CCNL1: variants seen among roughly 807,000 people sequenced by gnomAD.
CCNL1 encodes the protein cyclin-L1.
In CCNL1, 13 loss-of-function variants were observed where a neutral mutation model predicts 60.6. That is an observed-to-expected ratio of 0.21 (90% CI 0.14 to 0.34). The LOEUF is 0.34. Ranked by LOEUF, CCNL1 falls within the 10% of genes least tolerant of loss-of-function variation. CCNL1 has a pLI of 1.00. For missense variants in CCNL1, 481 were observed against 664.3 expected (o/e 0.72, Z 3.03); for synonymous variants, 270 against 244.3 (o/e 1.10, Z -0.98).
At chr3:157,149,793 C>T (rs1738031826) in intron 8 of CCNL1, 43 bp downstream of exon 8, 2 of 1,591,590 alleles carry the variant, frequency 1.3e-6, no homozygotes, top group Non-Finnish European at 1.7e-6. Flanking sequence ...TAAAGACACA[C>T]TTTCAGTGCC....
intron 6 of CCNL1, 29 bp from the exon 7 acceptor site, chr3:157,150,198 T>C: frequency 1.2e-6 from 2 of 1,608,694 alleles, no homozygotes; most frequent in Non-Finnish European, 1.7e-6. Context: ...ATGTTTTAAA[T>C]TAAATTTTTG....
chr3:157,153,013 A>C, intron 4 of CCNL1, 23 bp downstream of exon 4: 1 of 1,610,528 alleles, frequency 6.2e-7, no homozygotes, highest in Non-Finnish European at 8.5e-7. Context: ...TTACGAACCC[A>C]ATTTCTGTAC....
intron 3 of CCNL1, chr3:157,156,847 A>G (rs1441995716): frequency 6.4e-6 from 7 of 1,091,944 alleles, no homozygotes; most frequent in Non-Finnish European, 8.3e-6. Context: ...AAATAAATAC[A>G]AAGCTATAGT....
Position 157,149,581 on chromosome 3 carries a change from A to C in CCNL1, c.1037T>G (p.Val346Gly), listed in dbSNP as rs1214963087. ...PASKPSSPRE[V>G]KAEEKSPISI... is the part of the protein sequence containing the mutation. ...GATTGGTGATTTCTCTTCAGCTTTT[A>C]CTTCTCTTGGTGATGCTTTTAAAAG... The change falls in exon 9 of 11, where the codon GTA (valine) becomes GGA (glycine). Residue 346 changes from valine (V) to glycine (G), a missense_variant. This residue lies in a region of CCNL1 where 197 missense variants were observed against 233.9 expected (regional missense o/e 0.84). Coordinates refer to ENST00000295926, the MANE Select transcript of CCNL1 (RefSeq NM_020307.4). 3.1e-6 allele frequency: 5 copies of C among 1,613,554 alleles called. No individual in the cohort carries two copies. The highest frequency in any genetic ancestry group is 1.1e-5 in the South Asian group (1 of 91,010).
At chr3:157,154,203 T>C (rs1408587013) in intron 3 of CCNL1, 2 of 152,226 alleles carry the variant, frequency 1.3e-5, no homozygotes, top group African/African-American at 4.8e-5. Context: ...ATTTATGTCA[T>C]ACAATTCAAA....
At chr3:157,143,828 A>G (rs1283951545), downstream of CCNL1, among the ~76,000 whole-genome samples, 1 of 152,228 alleles carries the variant, frequency 6.6e-6, no homozygotes, top group Non-Finnish European at 1.5e-5. Context: ...ATGTGCATAT[A>G]CAAGAACAGA....
chr3:157,146,906 T>C (rs571692338), downstream of CCNL1, among the ~76,000 whole-genome samples: 12 of 152,334 alleles, frequency 7.9e-5, no homozygotes, highest in East Asian at 1.9e-3. Context: ...CTATAACTGA[T>C]TTAAGTAGCA....
Position 157,150,334 on chromosome 3 carries a change from T to C in CCNL1, c.722A>G (p.Gln241Arg). Residue 241 changes from glutamine to arginine, a missense_variant, in exon 6 of 11, where the codon CAA becomes CGA. By Grantham distance (43) the Gln-to-Arg change is conservative. Transcript: ENST00000295926. ...GCAAGCACATGCTATAGTCTCTGGT[T>C]GAAATCGAACAAACACATTGGTTCG... ...SLRTNVFVRF[Q>R]PETIACACIY... 1 of 1,614,036 alleles carries C rather than the reference T, an allele frequency of 6.2e-7. No homozygotes were observed. Among genetic ancestry groups the C allele is most frequent in the South Asian group, 1.1e-5 (1 of 91,080 alleles).
Position 157,159,917 on chromosome 3 carries a change from G to T in CCNL1, c.178C>A (p.Pro60Thr). ...GGGGTGGGCGAGAGCCTCTCCTCCG[G>T]AATCAGAGAGTGGTCGATGGTAAGT... ...VSLTIDHSLIPEERLSPTPSM... is the reference protein window; with the variant it reads ...VSLTIDHSLITEERLSPTPSM... The change falls in exon 1 of 11, where the codon CCG becomes ACG. Residue 60 changes from proline (P) to threonine (T), a missense_variant. By Grantham distance (38) the Pro-to-Thr change is conservative. Transcript: ENST00000295926. The T allele has an allele frequency of 1.2e-6, 2 of 1,606,956 alleles. No homozygotes were observed. The highest frequency in any genetic ancestry group is 1.7e-6 in the Non-Finnish European group (2 of 1,176,664).
chr3:157,150,208 G>A (rs927000042), intron 6 of CCNL1, 39 bp from the exon 7 acceptor site: 1 of 1,607,168 alleles, frequency 6.2e-7, no homozygotes, highest in Non-Finnish European at 8.5e-7. Context: ...TTAAATTTTT[G>A]CTAAATCTGT....
chr3:157,148,091 A>G lies in CCNL1; in HGVS notation c.*150T>C. 7.1e-7 allele frequency: 1 copy of G among 1,403,816 alleles called. No homozygotes were observed. The highest frequency in any genetic ancestry group is 9.3e-7 in the Non-Finnish European group (1 of 1,080,800). 87.0% of individuals were successfully genotyped at this position (1,403,816 alleles called of 1,614,324 possible). ...AAAAAAATTAACATAGTTCTTTTCAAAAGAAACTGTCCTCAGTGTTCTAGA... is the reference window on the plus strand; with the variant it reads ...AAAAAAATTAACATAGTTCTTTTCAGAAGAAACTGTCCTCAGTGTTCTAGA... On this transcript the variant is annotated 3_prime_UTR_variant, in exon 11 of 11. Transcript: ENST00000295926.
intron 1 of CCNL1, 145 bp downstream of exon 1, chr3:157,159,647 C>T: frequency 9.9e-7 from 1 of 1,014,044 alleles, no homozygotes; most frequent in African/African-American, 1.7e-5. Context: ...CCCGCCCCGG[C>T]ACGCCCCGGC....
Position 157,152,246 on chromosome 3 carries a change from A to G in CCNL1, c.610-5T>C, listed in dbSNP as rs772710351. The stretch of plus-strand genomic sequence containing the variant: ...TTGTAAATACATAACAATGATCTGA[A>G]GGACAAGGGAAAAAAACTCAATTCA... On this transcript the variant is annotated splice_region_variant and splice_polypyrimidine_tract_variant and intron_variant, in intron 4 of 10. Transcript: ENST00000295926. 6.2e-7 allele frequency: 1 copy of G among 1,607,384 alleles called. No homozygotes were observed. The highest frequency in any genetic ancestry group is 8.5e-7 in the Non-Finnish European group (1 of 1,178,204).
chr3:157,159,504 A>C, intron 1 of CCNL1, 25 bp from the exon 2 acceptor site: 1 of 1,604,084 alleles, frequency 6.2e-7, no homozygotes, highest in South Asian at 1.1e-5. Context: ...GGAGAACGGA[A>C]GCGCAGGGGT....
intron 2 of CCNL1, 102 bp from the exon 3 acceptor site, chr3:157,159,077 A>T: frequency 1.3e-5 from 10 of 757,656 alleles, no homozygotes; most frequent in East Asian, 2.5e-5. Context: ...AAATTAGAGA[A>T]GACATCTCTA....
At chr3:157,154,179 T>A in intron 3 of CCNL1, 1 of 152,224 alleles carries the variant, frequency 6.6e-6, no homozygotes, top group African/African-American at 2.4e-5. Flanking sequence ...AAACTTATAA[T>A]AAAAGACAAT....
chr3:157,159,984 C>T lies in CCNL1; in HGVS notation c.111G>A (p.Thr37=), dbSNP rs748520555. ...SGTTTTTTTT[T]GGILIGDRLY... ...GGCGATCGCCGATCAGGATCCCTCC[C>T]GTCGTGGTCGTCGTCGTGGTCGTCG... is the stretch of plus-strand genomic sequence containing the variant. The change falls in exon 1 of 11, where the codon ACG becomes ACA. Residue 37 remains threonine, a synonymous_variant. Coordinates refer to ENST00000295926, the MANE Select transcript of CCNL1 (RefSeq NM_020307.4). 6 of 1,580,882 alleles carry T rather than the reference C, an allele frequency of 3.8e-6. No homozygotes were observed. The African/African-American group carries it at 8.1e-5, about 21-fold the overall frequency.
In CCNL1 at chr3:157,152,171, A is replaced by G. The variant is rs1298455386; in HGVS notation, c.674+6T>C. The G allele has an allele frequency of 1.2e-6, 2 of 1,608,974 alleles. No individual in the cohort carries two copies. Among genetic ancestry groups the G allele is most frequent in the East Asian group, 4.5e-5 (2 of 44,764 alleles). ...GCTAGGAAAGAAATCTAAAAAAGTGACTTACCAGGCAGTTTGAACCAGGGT... is the reference window on the plus strand; with the variant it reads ...GCTAGGAAAGAAATCTAAAAAAGTGGCTTACCAGGCAGTTTGAACCAGGGT... On this transcript the variant is annotated splice_donor_region_variant and intron_variant, in intron 5 of 10. Coordinates refer to ENST00000295926, the MANE Select transcript of CCNL1 (RefSeq NM_020307.4).
downstream of CCNL1, among the ~76,000 whole-genome samples, chr3:157,145,542 C>G (rs1208582937): frequency 2.0e-5 from 3 of 148,896 alleles, no homozygotes; most frequent in Non-Finnish European, 4.4e-5. Flanking sequence ...ATTTTCATTG[C>G]TGTAATGGGC....
Sources: gnomAD v4.1 joint callset for allele counts (sites outside exome capture counted in the v4.1 genomes callset) on GRCh38, gnomAD v4.1.1 for gene constraint, gnomAD v4.1.1 regional missense constraint, MANE v1.5 for transcripts, NCBI Gene and HGNC (gene_info 2026-07-23, HGNC 2026-07-21) for gene names.